The following MYOF variants were observed in gnomAD, a reference collection of about 807,000 sequenced individuals.
MYOF encodes the protein fer-1-like 3, myoferlin.
A neutral mutation model predicts 284.2 loss-of-function variants in MYOF; 244 were observed. The observed-to-expected ratio is 0.86, with a 90% CI of 0.77 to 0.95. The LOEUF (loss-of-function observed/expected upper bound fraction) is 0.95, where lower values mean the gene tolerates loss of function less well. Ranked by LOEUF, MYOF falls within the 40% of genes least tolerant of loss-of-function variation. The pLI is 0.00. For missense variants in MYOF, 2,496 were observed against 2,560.6 expected (o/e 0.97, Z 0.54); for synonymous variants, 904 against 919.7 (o/e 0.98, Z 0.31).
intron 21 of MYOF, 45 bp downstream of exon 21, chr10:93,379,818 T>C (rs1252126636): frequency 5.0e-6 from 8 of 1,609,372 alleles, no homozygotes; most frequent in Non-Finnish European, 5.9e-6. Context: ...AATACCTAAT[T>C]CACCCTGCTT....
At chr10:93,351,324 C>A (rs1055928868) in intron 34 of MYOF, 29 bp from the exon 35 acceptor site, 16 of 1,609,200 alleles carry the variant, frequency 9.9e-6, no homozygotes, top group Non-Finnish European at 1.4e-5. Context: ...TATGTCAATG[C>A]CTCACTTTAG....
intron 1 of MYOF, among the ~76,000 whole-genome samples, chr10:93,466,701 G>A (rs191309592): frequency 6.0e-4 from 91 of 152,302 alleles, no homozygotes; most frequent in Admixed American, 4.2e-3. Flanking sequence ...GAGGCTGGGC[G>A]CAGTGCTCAC....
At position 93,323,256 on chromosome 10, in the gene MYOF, G is replaced by C; in HGVS notation, c.5360+14C>G. The C allele has an allele frequency of 6.2e-7, 1 of 1,614,042 alleles. No individual in the cohort carries two copies. Among genetic ancestry groups the C allele is most frequent in the Non-Finnish European group, 8.5e-7 (1 of 1,179,890 alleles). ...CCCAGTGTATGTATCAGGGTCTCAGGATGACTGACTTACTTCTTGGCTTTC... is the reference window on the plus strand; with the variant it reads ...CCCAGTGTATGTATCAGGGTCTCAGCATGACTGACTTACTTCTTGGCTTTC... On this transcript the variant is annotated intron_variant, in intron 47 of 53. Coordinates refer to ENST00000359263, the MANE Select transcript of MYOF (RefSeq NM_013451.4).
rs1460400798 is a variant in MYOF, at chr10:93,343,855, C to T, written c.4326+1G>A. ...ATCCACTGATCAGCTCTGAAGCCTA[C>T]CTTAGAAGCCAGTAATGGTTTGGTG... On this transcript the variant is annotated splice_donor_variant, in intron 38 of 53. Transcript: ENST00000359263. LOFTEE classifies it high-confidence loss of function. 6.2e-7 allele frequency: 1 copy of T among 1,614,134 alleles called. No individual in the cohort carries two copies. The highest frequency in any genetic ancestry group is 1.1e-5 in the South Asian group (1 of 91,070).
chr10:93,417,063 C>A (rs1186044329), intron 5 of MYOF, among the ~76,000 whole-genome samples: 1 of 152,192 alleles, frequency 6.6e-6, no homozygotes, highest in Non-Finnish European at 1.5e-5. Flanking sequence ...ATGCTCAAAT[C>A]CAGATCTGTT....
At chr10:93,333,679 A>G in intron 42 of MYOF, 79 bp downstream of exon 42, 1 of 1,548,380 alleles carries the variant, frequency 6.5e-7, no homozygotes. Flanking sequence ...ACGCCCAGAA[A>G]GAAAGAACAT....
At chr10:93,430,841 G>A (rs2134214873) in intron 4 of MYOF, among the ~76,000 whole-genome samples, 1 of 152,140 alleles carries the variant, frequency 6.6e-6, no homozygotes, top group South Asian at 2.1e-4. Flanking sequence ...TAAGGTCCAT[G>A]TCGTTTGCAA....
chr10:93,418,769 C>T (rs968902448), intron 5 of MYOF, among the ~76,000 whole-genome samples: 9 of 152,300 alleles, frequency 5.9e-5, no homozygotes, highest in East Asian at 5.8e-4. Context: ...GATGACTGCA[C>T]GTTTAGAGAT....
Position 93,309,242 on chromosome 10 carries a change from C to T in MYOF, c.6147+778G>A, listed in dbSNP as rs921889074. Among the ~76,000 whole-genome samples, 3 of 152,170 alleles carry T rather than the reference C, an allele frequency of 2.0e-5. No individual in the cohort carries two copies. The South Asian group carries it at 6.2e-4, about 32-fold the overall frequency. ...CTCCCTTAGTCATGTGTCCTTGTTC[C>T]CGTGGCTGCCTGTTCCCAGAATATG... On this transcript the variant is annotated intron_variant, in intron 53 of 53. Coordinates refer to ENST00000359263, the MANE Select transcript of MYOF (RefSeq NM_013451.4).
chr10:93,318,801 T>A (rs1842731388), intron 49 of MYOF, among the ~76,000 whole-genome samples: 1 of 151,890 alleles, frequency 6.6e-6, no homozygotes, highest in African/African-American at 2.4e-5. Flanking sequence ...TAGCACTGAG[T>A]AGGGCCAGCA....
intron 21 of MYOF, among the ~76,000 whole-genome samples, chr10:93,379,571 G>C (rs116121372): frequency 2.0e-3 from 302 of 152,194 alleles, no homozygotes; most frequent in African/African-American, 7.1e-3. Flanking sequence ...CTGTTTACCA[G>C]CCCTCCCCTC....
intron 3 of MYOF, 119 bp from the exon 4 acceptor site, chr10:93,431,635 T>G (rs1250775788): frequency 1.4e-6 from 1 of 712,950 alleles, no homozygotes; most frequent in Non-Finnish European, 2.3e-6. Flanking sequence ...TATAATGAGA[T>G]GTGGGCCATT....
chr10:93,423,939 C>A (rs185749672), intron 5 of MYOF, among the ~76,000 whole-genome samples: 1 of 151,984 alleles, frequency 6.6e-6, no homozygotes, highest in Non-Finnish European at 1.5e-5. Flanking sequence ...ACAAAGACAC[C>A]AAGACACACA....
intron 45 of MYOF, among the ~76,000 whole-genome samples, chr10:93,326,623 C>G (rs950985171): frequency 3.3e-5 from 5 of 152,094 alleles, no homozygotes; most frequent in African/African-American, 4.8e-5. Flanking sequence ...CACTGGTATT[C>G]TGGGTTTTTT....
At position 93,310,094 on chromosome 10, in the gene MYOF, T is replaced by A; in HGVS notation, c.6073A>T (p.Lys2025Ter). 6.2e-7 allele frequency: 1 copy of A among 1,614,130 alleles called. No individual in the cohort carries two copies. Among genetic ancestry groups the A allele is most frequent in the South Asian group, 1.1e-5 (1 of 91,074 alleles). ...AACAGCAAGCCGATGATGACCCACT[T>A]AAAGCGGCGCCACACGATGAACTTC... is the stretch of plus-strand genomic sequence containing the variant. ...TMKFIVWRRFKWVIIGLLFLL... is the reference protein window; with the variant it reads ...TMKFIVWRRF Residue 2025 changes from lysine to a stop codon, truncating the protein, a stop_gained, in exon 53 of 54, where the codon AAG becomes TAG. Transcript: ENST00000359263. LOFTEE classifies it high-confidence loss of function.
chr10:93,456,031 G>A (rs1223738282), intron 2 of MYOF, among the ~76,000 whole-genome samples: 1 of 152,152 alleles, frequency 6.6e-6, no homozygotes, highest in Non-Finnish European at 1.5e-5. Flanking sequence ...TCGACAGTGG[G>A]GGGAGGTAAA....
intron 45 of MYOF, among the ~76,000 whole-genome samples, chr10:93,327,820 C>T (rs113940418): frequency 0.044 from 6,700 of 150,960 alleles, 601 homozygotes; most frequent in African/African-American, 0.16. Flanking sequence ...TACAGAGGCA[C>T]GATCTCAGCT....
chr10:93,340,664 G>A (rs1294316791), intron 38 of MYOF, among the ~76,000 whole-genome samples: 1 of 152,098 alleles, frequency 6.6e-6, no homozygotes, highest in Non-Finnish European at 1.5e-5. Context: ...GTACCCCCCA[G>A]CCATGCCTAT....
At chr10:93,441,519 G>A (rs1202302130) in intron 3 of MYOF, among the ~76,000 whole-genome samples, 2 of 151,358 alleles carry the variant, frequency 1.3e-5, no homozygotes, top group African/African-American at 4.9e-5. Flanking sequence ...GGAGTAGCTG[G>A]GATTACAGGT....
Sources: allele counts gnomAD v4.1 joint callset (sites outside exome capture counted in the v4.1 genomes callset), GRCh38; gene constraint gnomAD v4.1.1; transcripts MANE v1.5; gene names NCBI Gene and HGNC (gene_info 2026-07-23, HGNC 2026-07-21).